Variants in EIF2AK1 observed in about 807,000 individuals in gnomAD.
EIF2AK1 encodes the protein eukaryotic translation initiation factor 2 alpha kinase 1.
A neutral mutation model predicts 77.9 loss-of-function variants in EIF2AK1; 54 were observed. The ratio of observed to expected loss-of-function variants is 0.69; its 90% CI spans 0.56 to 0.87. EIF2AK1 has a LOEUF of 0.87. EIF2AK1 is among the 40% of genes least tolerant of loss of function. The probability of loss-of-function intolerance (pLI) is 0.00; values close to 1 mark genes in which losing one functional copy is unlikely to be tolerated. For synonymous variants in EIF2AK1, 314 were observed against 290.5 expected (o/e 1.08, Z -0.82); for missense variants, 810 against 768.6 (o/e 1.05, Z -0.64).
intron 1 of EIF2AK1, among the ~76,000 whole-genome samples, chr7:6,056,928 A>T (rs547733811): frequency 5.3e-5 from 8 of 151,990 alleles, no homozygotes; most frequent in African/African-American, 9.6e-5. Flanking sequence ...ATAGTTTTTT[A>T]AAATTTTCTT....
At position 6,035,787 on chromosome 7, in the gene EIF2AK1, C is replaced by T. The variant is rs1465337743; in HGVS notation, c.1332+1637G>A. ...GCTGAATAAGGAGATGATGGAAACG[C>T]TCATTGCCTATGGAGCAAACGTCAA... On this transcript the variant is annotated intron_variant, in intron 11 of 14. Transcript: ENST00000199389. The surrounding 1 kb of genome is among the most constrained non-coding windows in gnomAD (Gnocchi z 5.5). 6.4e-7 allele frequency: 1 copy of T among 1,551,108 alleles called. No individual in the cohort carries two copies. Among genetic ancestry groups the T allele is most frequent in the Non-Finnish European group, 8.7e-7 (1 of 1,147,100 alleles).
intron 1 of EIF2AK1, among the ~76,000 whole-genome samples, chr7:6,055,956 C>A (rs1389673994): frequency 6.6e-5 from 8 of 120,834 alleles, no homozygotes; most frequent in African/African-American, 2.6e-4. Flanking sequence ...GCACTCCAGC[C>A]TGGGCAACAA....
In EIF2AK1 at chr7:6,026,901, T is replaced by C; in HGVS notation, c.1591A>G (p.Met531Val). Residue 531 changes from methionine (M) to valine (V), a missense_variant, in exon 14 of 15, where the codon ATG becomes GTG. Physicochemically the swap from Met to Val is conservative, Grantham distance 21 (BLOSUM62 1). Coordinates refer to ENST00000199389, the MANE Select transcript of EIF2AK1 (RefSeq NM_014413.4). Reference protein sequence around the residue: ...LELFQPFGTEMERAEVLTGLR... With the variant: ...LELFQPFGTEVERAEVLTGLR... Reference sequence around the variant, plus strand: ...CCTGTTAGAACTTCTGCTCGCTCCATTTCTGTTCCAAACGGCTGAAAGAGC... The same window carrying C: ...CCTGTTAGAACTTCTGCTCGCTCCACTTCTGTTCCAAACGGCTGAAAGAGC... 6.2e-6 allele frequency: 10 copies of C among 1,614,114 alleles called. No homozygotes were observed. The highest frequency in any genetic ancestry group is 8.5e-6 in the Non-Finnish European group (10 of 1,180,030).
intron 11 of EIF2AK1, 29 bp from the exon 12 acceptor site, chr7:6,029,061 T>C: frequency 6.5e-7 from 1 of 1,538,396 alleles, no homozygotes; most frequent in South Asian, 1.1e-5. Context: ...AGTCAACTCC[T>C]TGGCTTTCTT....
chr7:6,043,671 C>T (rs184037810), intron 7 of EIF2AK1, among the ~76,000 whole-genome samples: 198 of 151,738 alleles, frequency 1.3e-3, no homozygotes, highest in African/African-American at 4.4e-3. Context: ...TTGTGATCCT[C>T]CTGCCTCGGC....
At chr7:6,042,517 G>A (rs9640012) in intron 8 of EIF2AK1, among the ~76,000 whole-genome samples, 102,761 of 151,608 alleles carry the variant, frequency 0.68, 35,072 homozygotes, top group East Asian at 0.85. Context: ...TTTTGTAACG[G>A]AAATAAGCAA....
chr7:6,031,584 T>G (rs1271261805), intron 11 of EIF2AK1: 1 of 1,550,796 alleles, frequency 6.4e-7, no homozygotes, highest in Non-Finnish European at 8.7e-7. Context: ...AGATTACTTC[T>G]GACCCAGGTA....
In EIF2AK1 at chr7:6,022,495, T is replaced by C. The variant is rs886520731; in HGVS notation, c.*2178A>G. The C allele has an allele frequency of 3.3e-5, 5 of 152,110 alleles. No individual in the cohort carries two copies. The highest frequency in any genetic ancestry group is 1.2e-4 in the African/African-American group (5 of 41,420). The allele number at this position is 152,110 out of a possible 1,614,324, so 9.4% of individuals were successfully genotyped here. On this transcript the variant is annotated 3_prime_UTR_variant, in exon 15 of 15. Transcript: ENST00000199389. The stretch of plus-strand genomic sequence containing the variant: ...TATATGATGAGATGTGCAACATGGT[T>C]TTGATAAGAGGCAGCAAGGGTTTAG...
intron 5 of EIF2AK1, chr7:6,046,389 T>C: frequency 3.6e-6 from 1 of 277,766 alleles, no homozygotes; most frequent in East Asian, 6.2e-5. Flanking sequence ...GCAAAAGGTG[T>C]ATGTTAGCTC....
Position 6,036,112 on chromosome 7 carries a change from C to G in EIF2AK1, c.1332+1312G>C, listed in dbSNP as rs56841160. 9.0e-6 allele frequency: 14 copies of G among 1,550,728 alleles called. No individual in the cohort carries two copies. The South Asian group carries it at 1.2e-4, about 13-fold the overall frequency. ...CAGCGCAGTTGCAATGTAAGAGATA[C>G]GGCACTTCTGGCCAGGCTACTTTAT... is the stretch of plus-strand genomic sequence containing the variant. On this transcript the variant is annotated intron_variant, in intron 11 of 14. Coordinates refer to ENST00000199389, the MANE Select transcript of EIF2AK1 (RefSeq NM_014413.4). This position sits in a 1 kb window ranked among gnomAD's most constrained non-coding sequence, Gnocchi z 4.6.
At chr7:6,056,292 C>CA (rs71008352) in intron 1 of EIF2AK1, among the ~76,000 whole-genome samples, 5,050 of 55,750 alleles carry the variant, frequency 0.091, 425 homozygotes, top group African/African-American at 0.17. Flanking sequence ...GACTCAGTCT[C>CA]AAAAAAAAAA....
In EIF2AK1 at chr7:6,025,399, A is replaced by G. The variant is rs555885253; in HGVS notation, c.1765-598T>C. Among the ~76,000 whole-genome samples, 115 of 151,702 alleles carry G rather than the reference A, an allele frequency of 7.6e-4. No individual in the cohort carries two copies. In the East Asian group the frequency reaches 0.014, roughly 18 times the overall value. On this transcript the variant is annotated intron_variant, in intron 14 of 14. Coordinates refer to ENST00000199389, the MANE Select transcript of EIF2AK1 (RefSeq NM_014413.4). ...CTGGTCTTGAACTCCTGACCTCATG[A>G]TCCGCCTGCCTCAGCCTCCCAAAGT...
At chr7:6,026,272 C>T (rs879526156) in intron 14 of EIF2AK1, among the ~76,000 whole-genome samples, 4 of 152,162 alleles carry the variant, frequency 2.6e-5, no homozygotes, top group Non-Finnish European at 5.9e-5. Context: ...GTGATGAGCC[C>T]CCGGCAGACA....
Position 6,051,793 on chromosome 7 carries a change from GA to G in EIF2AK1, c.278-1749del, listed in dbSNP as rs960219770. On this transcript the variant is annotated intron_variant, in intron 2 of 14. Transcript: ENST00000199389. Reference sequence around the variant, plus strand: ...AGCCACATTTGTTGCTAAAAAAAAAGAAAAAAGAAATAGAAAACTCTCCATT... The same window carrying G: ...AGCCACATTTGTTGCTAAAAAAAAAGAAAAAGAAATAGAAAACTCTCCATT... 4.6e-5 allele frequency among the ~76,000 whole-genome samples: 7 copies of G among 151,756 alleles called. No individual in the cohort carries two copies. In the Middle Eastern group the frequency reaches 0.01, roughly 221 times the overall value.
At chr7:6,053,064 T>C (rs1417065898) in intron 2 of EIF2AK1, among the ~76,000 whole-genome samples, 1 of 152,178 alleles carries the variant, frequency 6.6e-6, no homozygotes, top group Non-Finnish European at 1.5e-5. Flanking sequence ...GTTATATTTG[T>C]AAGGAATTAC....
Position 6,036,155 on chromosome 7 carries a change from A to C in EIF2AK1, c.1332+1269T>G, listed in dbSNP as rs556825699. ...TACTTTATCACACTTATCCTCTGAGAATGACCAATAACCAAGGAATTCTAC... is the reference window on the plus strand; with the variant it reads ...TACTTTATCACACTTATCCTCTGAGCATGACCAATAACCAAGGAATTCTAC... On this transcript the variant is annotated intron_variant, in intron 11 of 14. Coordinates refer to ENST00000199389, the MANE Select transcript of EIF2AK1 (RefSeq NM_014413.4). This position sits in a 1 kb window ranked among gnomAD's most constrained non-coding sequence, Gnocchi z 4.6. 6.5e-7 allele frequency: 1 copy of C among 1,550,204 alleles called. No homozygotes were observed. Among genetic ancestry groups the C allele is most frequent in the East Asian group, 2.4e-5 (1 of 40,920 alleles).
intron 3 of EIF2AK1, among the ~76,000 whole-genome samples, chr7:6,049,496 T>A (rs934099112): frequency 6.6e-6 from 1 of 152,160 alleles, no homozygotes; most frequent in Non-Finnish European, 1.5e-5. Context: ...TGAGCCAAGA[T>A]TGCGCCACTG....
At chr7:6,056,293 A>C (rs1181212926) in intron 1 of EIF2AK1, among the ~76,000 whole-genome samples, 3 of 25,802 alleles carry the variant, frequency 1.2e-4, no homozygotes, top group Admixed American at 3.1e-4. Flanking sequence ...ACTCAGTCTC[A>C]AAAAAAAAAA....
At chr7:6,056,487 C>T (rs577638908) in intron 1 of EIF2AK1, among the ~76,000 whole-genome samples, 10 of 142,250 alleles carry the variant, frequency 7.0e-5, no homozygotes, top group East Asian at 6.3e-4. Context: ...CCAGCTACTC[C>T]GGTGGCTGAG....
Sources: allele counts gnomAD v4.1 joint callset (sites outside exome capture counted in the v4.1 genomes callset), GRCh38; gene constraint gnomAD v4.1.1; non-coding constraint Gnocchi (gnomAD v3.1); transcripts MANE v1.5; gene names NCBI Gene and HGNC (gene_info 2026-07-23, HGNC 2026-07-21).